The following CADM2 variants were observed in gnomAD, a reference collection of about 807,000 sequenced individuals.
CADM2 encodes the protein cell adhesion molecule 2.
Under a neutral mutation model 49.8 loss-of-function variants are expected in CADM2, and 12 were observed. The ratio of observed to expected loss-of-function variants is 0.24; its 90% CI spans 0.15 to 0.39. CADM2 has a LOEUF of 0.39. Among genes scored for constraint, CADM2 ranks in the 10% least tolerant of loss-of-function variants. The pLI is 1.00. For missense variants in CADM2, 378 were observed against 492.3 expected (o/e 0.77, Z 2.20); for synonymous variants, 214 against 175.4 (o/e 1.22, Z -1.74).
At chr3:85,546,059 A>G (rs892746167) in intron 1 of CADM2, among the ~76,000 whole-genome samples, 3 of 152,194 alleles carry the variant, frequency 2.0e-5, no homozygotes, top group African/African-American at 4.8e-5. Context: ...ATACCTGACC[A>G]TGGCAGCTCC....
chr3:85,491,228 A>G lies in CADM2; in HGVS notation c.62-235294A>G, dbSNP rs543085416. On this transcript the variant is annotated intron_variant, in intron 1 of 9. Coordinates refer to ENST00000383699, the MANE Select transcript of CADM2 (RefSeq NM_001167675.2). The stretch of plus-strand genomic sequence containing the variant: ...GTTGTACGTCAGGGAGAGCAGTGAA[A>G]GTATAGAATATGGACTAATCATGCT... Among the ~76,000 whole-genome samples the G allele has an allele frequency of 6.6e-5, 10 of 152,348 alleles. No individual in the cohort carries two copies. The East Asian group carries it at 1.9e-3, about 29-fold the overall frequency.
At chr3:85,594,032 A>G (rs1164241400) in intron 1 of CADM2, among the ~76,000 whole-genome samples, 1 of 151,980 alleles carries the variant, frequency 6.6e-6, no homozygotes, top group Non-Finnish European at 1.5e-5. Context: ...TATCCCAAGG[A>G]TGTATTTCAT....
At chr3:85,056,780 A>G (rs1248456515) in intron 1 of CADM2, among the ~76,000 whole-genome samples, 2 of 152,134 alleles carry the variant, frequency 1.3e-5, no homozygotes, top group African/African-American at 4.8e-5. Context: ...AAAATAACAC[A>G]ATAGTCATAA....
chr3:85,769,564 CACGTATAT>C lies in CADM2; in HGVS notation c.89-32480_89-32473del, dbSNP rs1355940922. On this transcript the variant is annotated intron_variant, in intron 2 of 9. Coordinates refer to ENST00000383699, the MANE Select transcript of CADM2 (RefSeq NM_001167675.2). ...ACGTATATACATATATGTATATATA[CACGTATAT>C]ACATATATACATATATAGTATATAC... 9.3e-4 allele frequency among the ~76,000 whole-genome samples: 53 copies of C among 56,982 alleles called. 9 individuals carry two copies. In the East Asian group the frequency reaches 0.015, roughly 16 times the overall value. 37.4% of individuals were successfully genotyped at this position (56,982 alleles called of 152,430 possible). A position where few individuals can be genotyped will look rare whatever the true frequency, so the allele number is the denominator to read the frequency against.
At chr3:85,770,184 A>G (rs188982469) in intron 2 of CADM2, among the ~76,000 whole-genome samples, 33 of 152,206 alleles carry the variant, frequency 2.2e-4, no homozygotes, top group African/African-American at 7.7e-4. Flanking sequence ...TATTATAGTC[A>G]TCGATGTCAT....
chr3:85,106,857 G>T (rs753437493), intron 1 of CADM2, among the ~76,000 whole-genome samples: 40 of 152,072 alleles, frequency 2.6e-4, no homozygotes, highest in Non-Finnish European at 5.9e-4. Context: ...GAAAGTCATT[G>T]GCCCATCATA....
chr3:85,241,541 T>C (rs746044840), intron 1 of CADM2, among the ~76,000 whole-genome samples: 3 of 151,540 alleles, frequency 2.0e-5, no homozygotes, highest in Non-Finnish European at 3.0e-5. Flanking sequence ...ATTTAAATGC[T>C]GTTTATTGTT....
intron 1 of CADM2, among the ~76,000 whole-genome samples, chr3:85,104,078 T>A (rs2038117357): frequency 6.6e-6 from 1 of 152,086 alleles, no homozygotes; most frequent in Non-Finnish European, 1.5e-5. Context: ...AATTTTGGCT[T>A]TTGTTGCCAT....
At position 85,869,953 on chromosome 3, in the gene CADM2, G is replaced by A. The variant is rs530287990; in HGVS notation, c.239-13338G>A. Among the ~76,000 whole-genome samples, 103 of 152,260 alleles carry A rather than the reference G, an allele frequency of 6.8e-4. 1 individual carries two copies. Among genetic ancestry groups the A allele is most frequent in the South Asian group, 2.1e-3 (10 of 4,828 alleles). On this transcript the variant is annotated intron_variant, in intron 3 of 9. Coordinates refer to ENST00000383699, the MANE Select transcript of CADM2 (RefSeq NM_001167675.2). ...TGGGATTACAGGCGTGAGCCACCGCGCCCTGCCCTATCTGCCTAGATTTTA... is the reference window on the plus strand; with the variant it reads ...TGGGATTACAGGCGTGAGCCACCGCACCCTGCCCTATCTGCCTAGATTTTA...
At chr3:85,536,403 T>A (rs1420788572) in intron 1 of CADM2, among the ~76,000 whole-genome samples, 1 of 151,372 alleles carries the variant, frequency 6.6e-6, no homozygotes, top group African/African-American at 2.4e-5. Flanking sequence ...AAAAAAAAAA[T>A]GATGTTTATG....
intron 1 of CADM2, among the ~76,000 whole-genome samples, chr3:85,459,720 TCA>T (rs1163381329): frequency 2.6e-5 from 4 of 152,244 alleles, no homozygotes; most frequent in Admixed American, 2.0e-4. Flanking sequence ...TGATTCATTT[TCA>T]GTTTATTCCT....
At chr3:85,379,510 ACT>A (rs1369640384) in intron 1 of CADM2, among the ~76,000 whole-genome samples, 1 of 151,866 alleles carries the variant, frequency 6.6e-6, no homozygotes, top group African/African-American at 2.4e-5. Flanking sequence ...AGGGAGGCAA[ACT>A]CTTTGACTTT....
At position 85,585,185 on chromosome 3, in the gene CADM2, C is replaced by T. The variant is rs146898382; in HGVS notation, c.62-141337C>T. 2.0e-5 allele frequency among the ~76,000 whole-genome samples: 3 copies of T among 152,020 alleles called. No individual in the cohort carries two copies. The East Asian group carries it at 5.8e-4, about 30-fold the overall frequency. On this transcript the variant is annotated intron_variant, in intron 1 of 9. Coordinates refer to ENST00000383699, the MANE Select transcript of CADM2 (RefSeq NM_001167675.2). Reference sequence around the variant, plus strand: ...ATCCACTCTGTTGAAACCACCTGGCCATAAGTCACTCAGTAGCTGTCTTGT... The same window carrying T: ...ATCCACTCTGTTGAAACCACCTGGCTATAAGTCACTCAGTAGCTGTCTTGT...
intron 1 of CADM2, among the ~76,000 whole-genome samples, chr3:85,671,355 C>T (rs2065729235): frequency 6.6e-6 from 1 of 152,142 alleles, no homozygotes; most frequent in South Asian, 2.1e-4. Flanking sequence ...TTTCTTTCTC[C>T]CATAACTGTA....
intron 8 of CADM2, among the ~76,000 whole-genome samples, chr3:85,972,420 G>T (rs2325007): frequency 0.69 from 105,116 of 151,506 alleles, 37,990 homozygotes; most frequent in African/African-American, 0.91. Flanking sequence ...AACTCTTAGT[G>T]TTTATTTATT....
intron 5 of CADM2, among the ~76,000 whole-genome samples, chr3:85,892,347 AAATT>A (rs1306218095): frequency 2.0e-5 from 3 of 152,178 alleles, no homozygotes; most frequent in African/African-American, 7.2e-5. Context: ...GCAGTAGGAG[AAATT>A]AATTCACACA....
At chr3:85,522,205 G>A (rs917185638) in intron 1 of CADM2, among the ~76,000 whole-genome samples, 4 of 151,862 alleles carry the variant, frequency 2.6e-5, no homozygotes, top group African/African-American at 4.8e-5. Context: ...TTCCCTGTTC[G>A]CCTTCCCTTT....
At chr3:85,527,413 A>G (rs1051569665) in intron 1 of CADM2, among the ~76,000 whole-genome samples, 1 of 149,182 alleles carries the variant, frequency 6.7e-6, no homozygotes, top group Admixed American at 6.8e-5. Flanking sequence ...GAAAGAAAAA[A>G]TTCTGTGGAG....
At chr3:84,960,119 T>G in intron 1 of CADM2, 1 of 185,886 alleles carries the variant, frequency 5.4e-6, no homozygotes. Flanking sequence ...TTTCCCCCTC[T>G]TCCCACCATC....
Sources: gnomAD v4.1 joint callset for allele counts (sites outside exome capture counted in the v4.1 genomes callset) on GRCh38, gnomAD v4.1.1 for gene constraint, MANE v1.5 for transcripts, NCBI Gene and HGNC (gene_info 2026-07-23, HGNC 2026-07-21) for gene names.